HDAC11: variants seen among roughly 807,000 people sequenced by gnomAD.
HDAC11 encodes the protein histone deacetylase 11.
Under a neutral mutation model 41.1 loss-of-function variants are expected in HDAC11, and 23 were observed. The ratio of observed to expected loss-of-function variants is 0.56; its 90% CI spans 0.40 to 0.79. HDAC11 has a LOEUF of 0.79. Ranked by LOEUF, HDAC11 falls within the 30% of genes least tolerant of loss-of-function variation. The pLI is 0.00. For synonymous variants in HDAC11, 187 were observed against 186.6 expected, an observed-to-expected ratio of 1.00 and a Z score of -0.02; for missense variants, 402 against 477.3, an observed-to-expected ratio of 0.84 and a Z score of 1.47.
chr3:13,487,563 A>G (rs1559372572), intron 3 of HDAC11, among the ~76,000 whole-genome samples: 1 of 125,260 alleles, frequency 8.0e-6, no homozygotes, highest in Admixed American at 8.6e-5. Context: ...CTCTGAGGGT[A>G]GCTGTTGAGC....
rs1291739173 is a variant in HDAC11, at chr3:13,480,413, G to A, written c.2+64G>A. ...GGGTCCCGGTGGGCGGGCGCGCTAG[G>A]GCGAGGGCGGGGACGGCCGGGCGGG... On this transcript the variant is annotated intron_variant, in intron 1 of 9. Transcript: ENST00000295757. This position sits in a 1 kb window ranked among gnomAD's most constrained non-coding sequence, Gnocchi z 4.6. The A allele has an allele frequency of 1.9e-6, 2 of 1,041,874 alleles. No homozygotes were observed. The highest frequency in any genetic ancestry group is 2.4e-6 in the Non-Finnish European group (2 of 824,664). The allele number at this position is 1,041,874 out of a possible 1,614,324, so 64.5% of individuals were successfully genotyped here.
rs1422990450 is a variant in HDAC11, at chr3:13,502,158, C to T, written c.552+225C>T. The T allele has an allele frequency of 1.1e-5, 6 of 556,982 alleles. No individual in the cohort carries two copies. The highest frequency in any genetic ancestry group is 2.9e-5 in the East Asian group (1 of 34,078). The allele number at this position is 556,982 out of a possible 1,614,324, so 34.5% of individuals were successfully genotyped here. On this transcript the variant is annotated intron_variant, in intron 7 of 9. Transcript: ENST00000295757. This position sits in a 1 kb window ranked among gnomAD's most constrained non-coding sequence, Gnocchi z 4.1. ...CTCCCTCCCTCCTCCTGACTGCCCCCACATGAGGCTCTTCCTGAAGCCCAC... is the reference window on the plus strand; with the variant it reads ...CTCCCTCCCTCCTCCTGACTGCCCCTACATGAGGCTCTTCCTGAAGCCCAC...
Position 13,502,861 on chromosome 3 carries a change from C to T in HDAC11, c.553-23C>T, listed in dbSNP as rs201532580. 2.1e-5 allele frequency: 33 copies of T among 1,597,328 alleles called. No homozygotes were observed. Among genetic ancestry groups the T allele is most frequent in the Middle Eastern group, 1.7e-4 (1 of 6,050 alleles). ...CTTGCCTAGGGCACCTACCCGAGAGCGGCTACTGTGACCTCCCCACAGGGC... is the reference window on the plus strand; with the variant it reads ...CTTGCCTAGGGCACCTACCCGAGAGTGGCTACTGTGACCTCCCCACAGGGC... On this transcript the variant is annotated intron_variant, in intron 7 of 9. Coordinates refer to ENST00000295757, the MANE Select transcript of HDAC11 (RefSeq NM_024827.4). This position sits in a 1 kb window ranked among gnomAD's most constrained non-coding sequence, Gnocchi z 4.1.
At position 13,502,921 on chromosome 3, in the gene HDAC11, G is replaced by A. The variant is rs372456898; in HGVS notation, c.590G>A (p.Arg197His). Residue 197 changes from arginine (R) to histidine (H), a missense_variant, in exon 8 of 10, where the codon CGT (arginine) becomes CAT (histidine). Transcript: ENST00000295757. This position sits in a 1 kb window ranked among gnomAD's most constrained non-coding sequence, Gnocchi z 4.1. ...GHERDFMDDK[R>H]VYIMDVYNRH... Reference sequence around the variant, plus strand: ...GAGCGAGACTTCATGGACGACAAGCGTGTGTACATCATGGATGTCTACAAC... The same window carrying A: ...GAGCGAGACTTCATGGACGACAAGCATGTGTACATCATGGATGTCTACAAC... 8.7e-6 allele frequency: 14 copies of A among 1,613,440 alleles called. No homozygotes were observed. The highest frequency in any genetic ancestry group is 6.7e-5 in the African/African-American group (5 of 74,922).
At chr3:13,495,637 TG>T (rs1439396244) in intron 3 of HDAC11, among the ~76,000 whole-genome samples, 1 of 152,176 alleles carries the variant, frequency 6.6e-6, no homozygotes, top group Non-Finnish European at 1.5e-5. Context: ...GCACCATCTA[TG>T]GTTCCCTACT....
Position 13,501,918 on chromosome 3 carries a change from T to A in HDAC11, c.537T>A (p.Asp179Glu). The A allele has an allele frequency of 6.2e-7, 1 of 1,613,992 alleles. No individual in the cohort carries two copies. Among genetic ancestry groups the A allele is most frequent in the South Asian group, 1.1e-5 (1 of 91,078 alleles). Residue 179 changes from aspartate to glutamate, a missense_variant, in exon 7 of 10, where the codon GAT (aspartate) becomes GAA (glutamate). Physicochemically the swap from Asp to Glu is conservative, Grantham distance 45. Coordinates refer to ENST00000295757, the MANE Select transcript of HDAC11 (RefSeq NM_024827.4). ...VEGISRATIIDLDAHQGNGHE... is the reference protein window; with the variant it reads ...VEGISRATIIELDAHQGNGHE... The stretch of plus-strand genomic sequence containing the variant: ...GCATCTCCAGGGCTACCATCATTGA[T>A]CTTGATGCCCATCAGGTGAGTGCCC...
At chr3:13,483,006 C>A (rs1166880519) in intron 2 of HDAC11, among the ~76,000 whole-genome samples, 2 of 151,742 alleles carry the variant, frequency 1.3e-5, no homozygotes, top group Middle Eastern at 3.4e-3. Context: ...CTGCCTCAAC[C>A]TCCCAAAGTG....
At position 13,481,266 on chromosome 3, in the gene HDAC11, ACCAGCATGTG is replaced by A; in HGVS notation, c.28_37del (p.His10ArgfsTer33). 1 of 1,612,354 alleles carries A rather than the reference ACCAGCATGTG, an allele frequency of 6.2e-7. No individual in the cohort carries two copies. Among genetic ancestry groups the A allele is most frequent in the Non-Finnish European group, 8.5e-7 (1 of 1,179,970 alleles). On this transcript the variant is annotated frameshift_variant, in exon 2 of 10. Transcript: ENST00000295757. LOFTEE classifies it high-confidence loss of function. ...GGTAGGCTACACACAACCCAGCTGT[ACCAGCATGTG>A]CCAGAGACACGCTGGCCAATCGTGT...
intron 3 of HDAC11, among the ~76,000 whole-genome samples, chr3:13,488,251 T>A (rs78762991): frequency 0.039 from 5,971 of 151,850 alleles, 190 homozygotes; most frequent in Non-Finnish European, 0.055. Flanking sequence ...TAAAAAAAAA[T>A]TTTTTTTAAT....
At chr3:13,483,603 C>A in intron 3 of HDAC11, 39 bp downstream of exon 3, 2 of 1,509,506 alleles carry the variant, frequency 1.3e-6, no homozygotes, top group Non-Finnish European at 9.2e-7. Context: ...GGGCCTGGGG[C>A]AGGGGGCTGC....
At chr3:13,492,278 G>A (rs1246863437) in intron 3 of HDAC11, among the ~76,000 whole-genome samples, 1 of 152,230 alleles carries the variant, frequency 6.6e-6, no homozygotes, top group Non-Finnish European at 1.5e-5. Flanking sequence ...GGATGATGCA[G>A]GTGAGGTGGC....
In HDAC11 at chr3:13,504,489, C is replaced by T. The variant is rs1181742903; in HGVS notation, c.850C>T (p.Leu284=). ...SPAGIVKRDE[L]VFRMVRGRRV... is the part of the protein sequence containing the mutation. ...ACAGGGCATCGTGAAGCGGGATGAGCTGGTGTTCCGGATGGTCCGTGGCCG... is the reference window on the plus strand; with the variant it reads ...ACAGGGCATCGTGAAGCGGGATGAGTTGGTGTTCCGGATGGTCCGTGGCCG... The change falls in exon 10 of 10, where the codon CTG becomes TTG. Residue 284 remains leucine (L), a synonymous_variant. Transcript: ENST00000295757. The T allele has an allele frequency of 3.1e-6, 5 of 1,613,406 alleles. No homozygotes were observed. Among genetic ancestry groups the T allele is most frequent in the Non-Finnish European group, 4.2e-6 (5 of 1,180,032 alleles).
At chr3:13,496,898 C>A in intron 4 of HDAC11, 46 bp downstream of exon 4, 2 of 1,088,744 alleles carry the variant, frequency 1.8e-6, no homozygotes, top group East Asian at 2.8e-5. Context: ...CCCCCACACC[C>A]CAGGGTCCTT....
intron 7 of HDAC11, 24 bp downstream of exon 7, chr3:13,501,957 C>T: frequency 6.2e-7 from 1 of 1,604,800 alleles, no homozygotes; most frequent in Middle Eastern, 1.7e-4. Context: ...AGGGGCTGGA[C>T]TCTTAGGGGA....
intron 2 of HDAC11, 110 bp from the exon 3 acceptor site, chr3:13,483,352 ACC>A: frequency 1.2e-6 from 1 of 833,922 alleles, no homozygotes; most frequent in Non-Finnish European, 2.0e-6. Context: ...GTGCCTACCT[ACC>A]CCTGGGGCAG....
chr3:13,481,519 A>T, intron 2 of HDAC11, 125 bp downstream of exon 2: 1 of 1,070,598 alleles, frequency 9.3e-7, no homozygotes, highest in Non-Finnish European at 1.4e-6. Flanking sequence ...ATGGCCTTCC[A>T]CCCATGCTTC....
intron 3 of HDAC11, among the ~76,000 whole-genome samples, chr3:13,484,485 G>T (rs1412445563): frequency 6.6e-6 from 1 of 152,146 alleles, no homozygotes; most frequent in Non-Finnish European, 1.5e-5. Flanking sequence ...AGAGCACCTG[G>T]TCTTCAAAGA....
rs138911285 is a variant in HDAC11 at position 13,492,828 on chromosome 3, G to A, written c.253-3908G>A. 1.8e-3 allele frequency among the ~76,000 whole-genome samples: 276 copies of A among 152,322 alleles called. 5 individuals are homozygous for A. The highest frequency in any genetic ancestry group is 6.2e-3 in the African/African-American group (257 of 41,564). On this transcript the variant is annotated intron_variant, in intron 3 of 9. Coordinates refer to ENST00000295757, the MANE Select transcript of HDAC11 (RefSeq NM_024827.4). ...CAAAGTTCTGGGATTACAGATGTAA[G>A]CCACCAAGCCTGGCTGGGTGTGGGG...
At position 13,490,753 on chromosome 3, in the gene HDAC11, T is replaced by TC. The variant is rs912680714; in HGVS notation, c.253-5983_253-5982insC. ...TTCTTAGCATTTTTTTCTTTTTTTTTTTTTTTTTTTTTTTTTTAGACAGAG... is the reference window on the plus strand; with the variant it reads ...TTCTTAGCATTTTTTTCTTTTTTTTTCTTTTTTTTTTTTTTTTTAGACAGAG... On this transcript the variant is annotated intron_variant, in intron 3 of 9. Transcript: ENST00000295757. 9.7e-5 allele frequency among the ~76,000 whole-genome samples: 13 copies of TC among 134,328 alleles called. No individual in the cohort carries two copies. In the South Asian group the frequency reaches 1.5e-3, roughly 16 times the overall value. 88.1% of individuals were successfully genotyped at this position (134,328 alleles called of 152,430 possible). A position where few individuals can be genotyped will look rare whatever the true frequency, so the allele number is the denominator to read the frequency against.
Sources: allele counts gnomAD v4.1 joint callset (sites outside exome capture counted in the v4.1 genomes callset), GRCh38; gene constraint gnomAD v4.1.1; non-coding constraint Gnocchi (gnomAD v3.1); transcripts MANE v1.5; gene names NCBI Gene and HGNC (gene_info 2026-07-23, HGNC 2026-07-21).